The following NGF variants were observed in gnomAD, a reference collection of about 807,000 sequenced individuals.
The protein encoded by NGF is nerve growth factor.
NGF carries 4 observed loss-of-function variants against 12.8 expected under a neutral mutation model. The ratio of observed to expected loss-of-function variants is 0.31; its 90% CI spans 0.15 to 0.72. NGF has a LOEUF of 0.72. NGF is among the 30% of genes least tolerant of loss of function. NGF has a pLI of 0.69. For synonymous variants in NGF, 140 were observed against 130.0 expected (o/e 1.08, Z -0.52); for missense variants, 283 against 330.8 (o/e 0.86, Z 1.12).
chr1:115,315,982 C>A (rs1035992038), intron 1 of NGF, among the ~76,000 whole-genome samples: 1 of 152,140 alleles, frequency 6.6e-6, no homozygotes, highest in African/African-American at 2.4e-5. Context: ...GGCACATCAG[C>A]GGATTAAGCA....
rs1159550331 is a variant in NGF at position 115,286,286 on chromosome 1, G to C, written c.510C>G (p.Phe170Leu). Residue 170 changes from phenylalanine (F) to leucine (L), a missense_variant, in exon 3 of 3, where the codon TTC becomes TTG. Around this residue, in one of 2 missense-constraint regions of NGF, gnomAD observed 132 missense variants for 189.2 expected, o/e 0.70. Transcript: ENST00000369512. ...ACTTGGTCTCAAAAAAGTACTGTTT[G>C]AATACACTGTTGTTAATGTTCACCT... ...LGEVNINNSVFKQYFFETKCR... is the reference protein window; with the variant it reads ...LGEVNINNSVLKQYFFETKCR... 6.2e-7 allele frequency: 1 copy of C among 1,614,056 alleles called. No individual in the cohort carries two copies. Among genetic ancestry groups the C allele is most frequent in the African/African-American group, 1.3e-5 (1 of 74,924 alleles).
chr1:115,327,150 T>C (rs1654799508), intron 1 of NGF, among the ~76,000 whole-genome samples: 1 of 152,226 alleles, frequency 6.6e-6, no homozygotes, highest in South Asian at 2.1e-4. Flanking sequence ...AACACCAGTA[T>C]TGCCGGTCAG....
At chr1:115,304,678 C>G (rs2101036153) in intron 1 of NGF, among the ~76,000 whole-genome samples, 2 of 152,252 alleles carry the variant, frequency 1.3e-5, no homozygotes, top group Middle Eastern at 6.8e-3. Context: ...GACCTCTCCT[C>G]TCAGCCTCCA....
rs1357758164 is a variant in NGF at position 115,326,043 on chromosome 1, C to T, written c.-137+12161G>A. Among the ~76,000 whole-genome samples the T allele has an allele frequency of 2.0e-5, 3 of 152,014 alleles. No homozygotes were observed. The East Asian group carries it at 5.8e-4, about 29-fold the overall frequency. ...GGGAGAGATCCAGGCTGGAAATGAACATCCGGAAGTCGTAGATCGTAGCTC... is the reference window on the plus strand; with the variant it reads ...GGGAGAGATCCAGGCTGGAAATGAATATCCGGAAGTCGTAGATCGTAGCTC... On this transcript the variant is annotated intron_variant, in intron 1 of 2. Coordinates refer to ENST00000369512, the MANE Select transcript of NGF (RefSeq NM_002506.3).
chr1:115,321,643 A>T (rs2101048603), intron 1 of NGF, among the ~76,000 whole-genome samples: 1 of 149,082 alleles, frequency 6.7e-6, no homozygotes, highest in South Asian at 2.1e-4. Context: ...AGCCAAGGGC[A>T]GATGATAGAG....
In NGF at chr1:115,310,520, G is replaced by C. The variant is rs189031752; in HGVS notation, c.-136-16770C>G. Among the ~76,000 whole-genome samples the C allele has an allele frequency of 2.6e-5, 4 of 152,282 alleles. 1 individual carries two copies. Among genetic ancestry groups the C allele is most frequent in the Admixed American group, 1.3e-4 (2 of 15,300 alleles). ...GAAACCAGGTCTATTGGATGGCTTG[G>C]GGGTGTGGGTAAGAAACATGGTCAA... is the stretch of plus-strand genomic sequence containing the variant. On this transcript the variant is annotated intron_variant, in intron 1 of 2. Transcript: ENST00000369512.
chr1:115,307,884 C>A (rs1654242441), intron 1 of NGF, among the ~76,000 whole-genome samples: 1 of 152,216 alleles, frequency 6.6e-6, no homozygotes, highest in Non-Finnish European at 1.5e-5. Context: ...GTGTGCCAGA[C>A]TGTCTCTTAA....
At chr1:115,307,136 A>T (rs1398237782) in intron 1 of NGF, among the ~76,000 whole-genome samples, 2 of 152,200 alleles carry the variant, frequency 1.3e-5, no homozygotes, top group African/African-American at 4.8e-5. Flanking sequence ...CCCAAAACCT[A>T]TAGGCACTGG....
At chr1:115,326,834 T>G (rs1334120685) in intron 1 of NGF, among the ~76,000 whole-genome samples, 1 of 152,190 alleles carries the variant, frequency 6.6e-6, no homozygotes, top group Non-Finnish European at 1.5e-5. Flanking sequence ...TCTTACCTTC[T>G]GTGTCTACAA....
chr1:115,302,710 C>T (rs942383552), intron 1 of NGF, among the ~76,000 whole-genome samples: 14 of 152,202 alleles, frequency 9.2e-5, no homozygotes, highest in Non-Finnish European at 1.8e-4. Flanking sequence ...TAGAGAGTGT[C>T]GCCTTTTGTC....
intron 1 of NGF, among the ~76,000 whole-genome samples, chr1:115,336,123 G>A (rs1655103453): frequency 6.6e-6 from 1 of 152,168 alleles, no homozygotes; most frequent in Non-Finnish European, 1.5e-5. Flanking sequence ...TGGGCAATAG[G>A]AGAAGGCAAG....
intron 1 of NGF, among the ~76,000 whole-genome samples, chr1:115,329,744 C>CTTT (rs1039991768): frequency 9.7e-4 from 101 of 103,906 alleles, no homozygotes; most frequent in East Asian, 1.5e-3. Flanking sequence ...TTCTTTCTTT[C>CTTT]TTTTTTTTTT....
chr1:115,333,443 C>T (rs1430738627), intron 1 of NGF, among the ~76,000 whole-genome samples: 2 of 147,312 alleles, frequency 1.4e-5, no homozygotes, highest in East Asian at 2.0e-4. Flanking sequence ...TCTGCTTAGC[C>T]CAGTGGTGGA....
intron 1 of NGF, among the ~76,000 whole-genome samples, chr1:115,332,361 T>C (rs1458452053): frequency 6.6e-6 from 1 of 152,188 alleles, no homozygotes; most frequent in Admixed American, 6.5e-5. Context: ...TCTATCAAAA[T>C]GAGAATGTTA....
intron 1 of NGF, 72 bp from the exon 2 acceptor site, chr1:115,293,822 T>C (rs1429207751): frequency 6.5e-6 from 1 of 152,672 alleles, no homozygotes; most frequent in Non-Finnish European, 1.5e-5. Flanking sequence ...TGGGGAGGCA[T>C]GTGCCAATAG....
At chr1:115,335,507 C>T (rs1351483568) in intron 1 of NGF, among the ~76,000 whole-genome samples, 1 of 152,216 alleles carries the variant, frequency 6.6e-6, no homozygotes, top group Non-Finnish European at 1.5e-5. Context: ...AAGAAACACA[C>T]AGGAACTCTT....
rs1264952107 is a variant in NGF at position 115,293,619 on chromosome 1, G to A, written c.-13+8C>T. ...CCTTGGCAAGGCCAAGGTCCCTTAG[G>A]CACTTACCTCAGTGTGGCCAGGATA... On this transcript the variant is annotated splice_region_variant and intron_variant, in intron 2 of 2. Transcript: ENST00000369512. 6.5e-6 allele frequency: 1 copy of A among 152,692 alleles called. No homozygotes were observed. The highest frequency in any genetic ancestry group is 1.5e-5 in the Non-Finnish European group (1 of 68,110). 9.5% of individuals were successfully genotyped at this position (152,692 alleles called of 1,614,324 possible). A position where few individuals can be genotyped will look rare whatever the true frequency, so the allele number is the denominator to read the frequency against.
At chr1:115,327,085 T>C (rs1192913705) in intron 1 of NGF, among the ~76,000 whole-genome samples, 1 of 152,186 alleles carries the variant, frequency 6.6e-6, no homozygotes, top group Non-Finnish European at 1.5e-5. Context: ...TTTTATTTCT[T>C]ACATAATAAC....
chr1:115,327,915 C>A (rs1654819547), intron 1 of NGF, among the ~76,000 whole-genome samples: 1 of 152,056 alleles, frequency 6.6e-6, no homozygotes, highest in African/African-American at 2.4e-5. Context: ...ATTTTACAGG[C>A]AATAGTGGAA....
Sources: gnomAD v4.1 joint callset for allele counts (sites outside exome capture counted in the v4.1 genomes callset) on GRCh38, gnomAD v4.1.1 for gene constraint, gnomAD v4.1.1 regional missense constraint, MANE v1.5 for transcripts, NCBI Gene and HGNC (gene_info 2026-07-23, HGNC 2026-07-21) for gene names.